MAGI3: variants seen among roughly 807,000 people sequenced by gnomAD.
MAGI3 encodes membrane-associated guanylate kinase, WW and PDZ domain-containing protein 3.
Under a neutral mutation model 121.8 loss-of-function variants are expected in MAGI3, and 43 were observed. The ratio of observed to expected loss-of-function variants is 0.35; its 90% CI spans 0.28 to 0.46. The LOEUF is 0.46. MAGI3 is among the 20% of genes least tolerant of loss of function. The probability of loss-of-function intolerance (pLI) is 1.00; values close to 1 mark genes in which losing one functional copy is unlikely to be tolerated. For missense variants in MAGI3, 1,547 were observed against 1,797.3 expected (o/e 0.86, Z 2.52); for synonymous variants, 553 against 639.3 (o/e 0.86, Z 2.04).
At chr1:113,437,806 T>TTTCTTCTTCTTCTTCTTCTTCTTC (rs759591213) in intron 1 of MAGI3, among the ~76,000 whole-genome samples, 4 of 119,500 alleles carry the variant, frequency 3.3e-5, no homozygotes, top group East Asian at 5.1e-4. Context: ...TCTTTCTTCT[T>TTTCTTCTTCTTCTTCTTCTTCTTC]TTCTTCTTCT....
At chr1:113,459,844 A>G (rs2101512441) in intron 1 of MAGI3, among the ~76,000 whole-genome samples, 1 of 152,310 alleles carries the variant, frequency 6.6e-6, no homozygotes, top group Admixed American at 6.5e-5. Context: ...CAGATGTACA[A>G]ACAAGAGCTG....
intron 4 of MAGI3, 93 bp from the exon 5 acceptor site, chr1:113,590,391 G>A: frequency 1.7e-6 from 2 of 1,196,504 alleles, no homozygotes; most frequent in Non-Finnish European, 2.3e-6. Flanking sequence ...CCATATTTAT[G>A]TATTTGGAAT....
chr1:113,506,780 G>C (rs572424381), intron 1 of MAGI3, among the ~76,000 whole-genome samples: 1 of 152,294 alleles, frequency 6.6e-6, no homozygotes, highest in Non-Finnish European at 1.5e-5. Flanking sequence ...GGAGCAGAAA[G>C]AGGGTGCTTT....
At chr1:113,412,341 A>G (rs1378224212) in intron 1 of MAGI3, among the ~76,000 whole-genome samples, 2 of 152,206 alleles carry the variant, frequency 1.3e-5, no homozygotes, top group South Asian at 4.1e-4. Flanking sequence ...ATACGTGTGC[A>G]TGTCTCTTTA....
intron 1 of MAGI3, among the ~76,000 whole-genome samples, chr1:113,497,365 G>A (rs1458264244): frequency 4.4e-5 from 5 of 114,776 alleles, no homozygotes; most frequent in African/African-American, 1.5e-4. Context: ...CGCACCGTGC[G>A]CGAGCCGAAG....
At chr1:113,572,378 G>C (rs1647350779) in intron 2 of MAGI3, among the ~76,000 whole-genome samples, 2 of 152,182 alleles carry the variant, frequency 1.3e-5, no homozygotes, top group Admixed American at 6.5e-5. Flanking sequence ...GTTCTGCCAG[G>C]TTTTGGTATC....
At chr1:113,631,485 G>T (rs115298772) in intron 9 of MAGI3, among the ~76,000 whole-genome samples, 2,510 of 152,182 alleles carry the variant, frequency 0.016, 80 homozygotes, top group African/African-American at 0.057. Context: ...GGTGAAAACT[G>T]TTGGAGAAAA....
chr1:113,684,000 G>T lies in MAGI3; in HGVS notation c.4432G>T (p.Glu1478Ter). ...NKVTGTIGMA[E>*]KRQ ...AGTCACAGGCACTATTGGTATGGCT[G>T]AGAAACGGCAGTAACCTTTAGTATA... The change falls in exon 21 of 21, where the codon GAG becomes TAG. Residue 1478 changes from glutamate (E) to a stop codon, truncating the protein, a stop_gained. Coordinates refer to ENST00000307546, the MANE Select transcript of MAGI3 (RefSeq NM_001142782.2). LOFTEE classifies it high-confidence loss of function. 6.4e-7 allele frequency: 1 copy of T among 1,568,810 alleles called. No homozygotes were observed. Among genetic ancestry groups the T allele is most frequent in the South Asian group, 1.2e-5 (1 of 82,804 alleles).
intron 19 of MAGI3, among the ~76,000 whole-genome samples, chr1:113,674,493 C>T (rs200863199): frequency 6.7e-6 from 1 of 150,096 alleles, no homozygotes; most frequent in African/African-American, 2.4e-5. Context: ...CTTTTAATTT[C>T]TAGACACCGT....
chr1:113,468,684 G>A (rs72687939), intron 1 of MAGI3, among the ~76,000 whole-genome samples: 23,209 of 151,928 alleles, frequency 0.15, 2,813 homozygotes, highest in East Asian at 0.63. Flanking sequence ...TGAATTTGTC[G>A]TCAATAATTT....
At chr1:113,532,065 C>CT (rs1459149785) in intron 1 of MAGI3, among the ~76,000 whole-genome samples, 1 of 152,068 alleles carries the variant, frequency 6.6e-6, no homozygotes, top group African/African-American at 2.4e-5. Flanking sequence ...ACAATAAGAG[C>CT]TACATAATTA....
At position 113,664,816 on chromosome 1, in the gene MAGI3, T is replaced by G. The variant is rs571192922; in HGVS notation, c.2815+5551T>G. ...CCATGAATTTCAGCATCTCTTCATA[T>G]GCTTGAGTTTTTTTCTTGTGGGATT... On this transcript the variant is annotated intron_variant, in intron 16 of 20. Transcript: ENST00000307546. Among the ~76,000 whole-genome samples, 3 of 152,362 alleles carry G rather than the reference T, an allele frequency of 2.0e-5. No individual in the cohort carries two copies. In the South Asian group the frequency reaches 6.2e-4, roughly 32 times the overall value.
At chr1:113,514,102 G>C (rs1475661449) in intron 1 of MAGI3, among the ~76,000 whole-genome samples, 2 of 151,588 alleles carry the variant, frequency 1.3e-5, no homozygotes, top group Admixed American at 1.3e-4. Flanking sequence ...TTAGAATGGC[G>C]ATCATTAAAA....
chr1:113,516,390 C>CAAAAAAAAAAAAAAAAAAAAAAA (rs60186333), intron 1 of MAGI3, among the ~76,000 whole-genome samples: 1 of 70,996 alleles, frequency 1.4e-5, no homozygotes, highest in Admixed American at 1.9e-4. Context: ...GAAGTTCTCA[C>CAAAAAAAAAAAAAAAAAAAAAAA]AAAAAAAAAA....
chr1:113,584,872 G>C (rs1648255913), intron 3 of MAGI3, among the ~76,000 whole-genome samples: 1 of 151,604 alleles, frequency 6.6e-6, no homozygotes, highest in African/African-American at 2.4e-5. Flanking sequence ...AAGAGCACTT[G>C]AGAAATTAGT....
rs116792297 is a variant in MAGI3, at chr1:113,561,038, C to T, written c.433+11407C>T. ...AGAAGAAAATGGATAAATTCCTGGA[C>T]ATATACACCCTGTCAAGGCTGAACC... is the stretch of plus-strand genomic sequence containing the variant. On this transcript the variant is annotated intron_variant, in intron 2 of 20. Coordinates refer to ENST00000307546, the MANE Select transcript of MAGI3 (RefSeq NM_001142782.2). Among the ~76,000 whole-genome samples, 582 of 152,274 alleles carry T rather than the reference C, an allele frequency of 3.8e-3. 1 individual carries two copies. Among genetic ancestry groups the T allele is most frequent in the African/African-American group, 0.013 (553 of 41,542 alleles).
Position 113,549,226 on chromosome 1 carries a change from A to G in MAGI3, c.317-289A>G, listed in dbSNP as rs77252128. On this transcript the variant is annotated intron_variant, in intron 1 of 20. Coordinates refer to ENST00000307546, the MANE Select transcript of MAGI3 (RefSeq NM_001142782.2). ...CATTATATAGATAGTATTTAAAGCC[A>G]TGGGACTAAATGAAATTACTCTGAA... Among the ~76,000 whole-genome samples, 1,492 of 152,308 alleles carry G rather than the reference A, an allele frequency of 9.8e-3. 42 individuals carry two copies. The highest frequency in any genetic ancestry group is 0.069 in the Admixed American group (1,057 of 15,304).
intron 1 of MAGI3, among the ~76,000 whole-genome samples, chr1:113,513,456 C>T (rs1275958054): frequency 6.6e-6 from 1 of 151,978 alleles, no homozygotes; most frequent in African/African-American, 2.4e-5. Flanking sequence ...AGAACAGAGC[C>T]CTCAGAAATA....
At chr1:113,671,674 G>A (rs773341103) in intron 16 of MAGI3, 60 bp from the exon 17 acceptor site, 29 of 1,514,726 alleles carry the variant, frequency 1.9e-5, no homozygotes, top group Admixed American at 5.2e-5. Flanking sequence ...TCACAGATCC[G>A]CTTGGCCTTC....
Sources: gnomAD v4.1 joint callset for allele counts (sites outside exome capture counted in the v4.1 genomes callset) on GRCh38, gnomAD v4.1.1 for gene constraint, MANE v1.5 for transcripts, NCBI Gene and HGNC (gene_info 2026-07-23, HGNC 2026-07-21) for gene names.